The following GRAMD1C variants were observed in gnomAD, a reference collection of about 807,000 sequenced individuals.
The protein encoded by GRAMD1C is protein Aster-C.
GRAMD1C carries 89 observed loss-of-function variants against 97.8 expected under a neutral mutation model. That is an observed-to-expected ratio of 0.91 (90% CI 0.77 to 1.09). The LOEUF (loss-of-function observed/expected upper bound fraction) is 1.09, where lower values mean the gene tolerates loss of function less well. Among genes scored for constraint, GRAMD1C ranks in the 50% least tolerant of loss-of-function variants. The probability of loss-of-function intolerance (pLI) is 0.00; values close to 1 mark genes in which losing one functional copy is unlikely to be tolerated. For missense variants in GRAMD1C, 740 were observed against 766.4 expected (o/e 0.97, Z 0.41); for synonymous variants, 256 against 267.0 (o/e 0.96, Z 0.40).
At chr3:113,894,185 T>G (rs1157121220) in intron 6 of GRAMD1C, among the ~76,000 whole-genome samples, 25 of 152,218 alleles carry the variant, frequency 1.6e-4, no homozygotes, top group Admixed American at 1.3e-3. Context: ...GCTCAATCAA[T>G]TATTTCATAT....
chr3:113,888,678 A>T (rs1935603237), intron 6 of GRAMD1C, among the ~76,000 whole-genome samples: 1 of 152,230 alleles, frequency 6.6e-6, no homozygotes, highest in Non-Finnish European at 1.5e-5. Context: ...AAAATTTTTT[A>T]AATACAAATG....
At chr3:113,854,002 TGTG>T (rs1934019512) in intron 2 of GRAMD1C, among the ~76,000 whole-genome samples, 1 of 152,098 alleles carries the variant, frequency 6.6e-6, no homozygotes, top group African/African-American at 2.4e-5. Flanking sequence ...AAGGGATTGA[TGTG>T]GTGAGTGAGG....
At chr3:113,907,340 G>A (rs1364747455) in intron 8 of GRAMD1C, among the ~76,000 whole-genome samples, 1 of 152,152 alleles carries the variant, frequency 6.6e-6, no homozygotes, top group Non-Finnish European at 1.5e-5. Flanking sequence ...CCTTAGCCTG[G>A]TTTTGTGTTT....
At chr3:113,843,376 C>T (rs751555839) in intron 1 of GRAMD1C, among the ~76,000 whole-genome samples, 8 of 151,932 alleles carry the variant, frequency 5.3e-5, no homozygotes, top group Non-Finnish European at 1.0e-4. Flanking sequence ...TGTGCCTGGC[C>T]CATATGCTTT....
At chr3:113,900,918 T>G (rs1037904760) in intron 6 of GRAMD1C, 113 bp from the exon 7 acceptor site, 1 of 592,858 alleles carries the variant, frequency 1.7e-6, no homozygotes, top group Non-Finnish European at 3.0e-6. Flanking sequence ...CAAAGCCCCA[T>G]ATCTAGTCTT....
In GRAMD1C at chr3:113,940,249, T is replaced by C; in HGVS notation, c.1812T>C (p.Ser604=). The C allele has an allele frequency of 6.3e-7, 1 of 1,590,058 alleles. No homozygotes were observed. Among genetic ancestry groups the C allele is most frequent in the Non-Finnish European group, 8.6e-7 (1 of 1,158,240 alleles). The change falls in exon 17 of 18, where the codon TCT becomes TCC. Residue 604 remains serine (S), a synonymous_variant. Coordinates refer to ENST00000358160, the MANE Select transcript of GRAMD1C (RefSeq NM_017577.5). ...GGCATTTTTCTTTCAGTTTAGCCTCTGATATGGTGTCAAGAGCAGAAACTA... is the reference window on the plus strand; with the variant it reads ...GGCATTTTTCTTTCAGTTTAGCCTCCGATATGGTGTCAAGAGCAGAAACTA... ...LQEEKSLNLA[S]DMVSRAETIQ... is the part of the protein sequence containing the mutation.
chr3:113,924,765 C>T (rs1195815375), intron 10 of GRAMD1C, among the ~76,000 whole-genome samples: 1 of 152,132 alleles, frequency 6.6e-6, no homozygotes, highest in Non-Finnish European at 1.5e-5. Context: ...GTGGAGAGCT[C>T]TGTAGATGTC....
upstream of GRAMD1C, among the ~76,000 whole-genome samples, chr3:113,837,417 C>T (rs937308520): frequency 3.3e-5 from 5 of 152,088 alleles, no homozygotes; most frequent in African/African-American, 9.7e-5. Context: ...GACATGTGTC[C>T]AAGGTGGTTG....
At chr3:113,901,177 T>G (rs1401839120) in intron 7 of GRAMD1C, 31 bp downstream of exon 7, 1 of 1,036,760 alleles carries the variant, frequency 9.6e-7, no homozygotes, top group African/African-American at 1.6e-5. Context: ...ATGTCAAAAT[T>G]TATCAATTAT....
chr3:113,878,970 G>C (rs571895451), intron 5 of GRAMD1C, among the ~76,000 whole-genome samples: 2 of 152,100 alleles, frequency 1.3e-5, no homozygotes, highest in South Asian at 4.1e-4. Flanking sequence ...ACTTTGGGAG[G>C]CTGAGGAGGG....
In GRAMD1C at chr3:113,896,524, T is replaced by G. The variant is rs546202669; in HGVS notation, c.541-4507T>G. The stretch of plus-strand genomic sequence containing the variant: ...AGCAAAAATGTGTATAAATATCAGT[T>G]GTGGTACAGTTAATGTATATTTTCT... On this transcript the variant is annotated intron_variant, in intron 6 of 17. Coordinates refer to ENST00000358160, the MANE Select transcript of GRAMD1C (RefSeq NM_017577.5). 2.5e-4 allele frequency among the ~76,000 whole-genome samples: 38 copies of G among 152,328 alleles called. 1 individual carries two copies. The East Asian group carries it at 7.3e-3, about 29-fold the overall frequency.
intron 17 of GRAMD1C, among the ~76,000 whole-genome samples, chr3:113,942,120 C>G (rs1937823135): frequency 6.7e-6 from 1 of 148,950 alleles, no homozygotes. Flanking sequence ...TGCCATGTTG[C>G]CCAGGCTGGT....
chr3:113,842,449 TTTTTTGTTTG>T (rs1245437298), intron 1 of GRAMD1C, among the ~76,000 whole-genome samples: 33 of 152,330 alleles, frequency 2.2e-4, no homozygotes, highest in Admixed American at 9.8e-4. Context: ...AGTTTCAGTT[TTTTTTGTTTG>T]TTTTTGTTTT....
chr3:113,841,869 T>A (rs1358915818), intron 1 of GRAMD1C, among the ~76,000 whole-genome samples: 1 of 151,932 alleles, frequency 6.6e-6, no homozygotes, highest in Non-Finnish European at 1.5e-5. Flanking sequence ...GGCTAATCTT[T>A]AAATTTTTGT....
intron 6 of GRAMD1C, chr3:113,897,519 GA>G: frequency 1.0e-6 from 1 of 984,750 alleles, no homozygotes; most frequent in Non-Finnish European, 1.2e-6. Context: ...TGCAACCTTG[GA>G]AAGAGTGCTG....
intron 1 of GRAMD1C, among the ~76,000 whole-genome samples, chr3:113,840,933 G>A (rs1380317757): frequency 6.6e-6 from 1 of 152,190 alleles, no homozygotes; most frequent in East Asian, 1.9e-4. Flanking sequence ...TTCCTGTAAA[G>A]GCTGTGTATG....
At chr3:113,894,611 G>T (rs557103664) in intron 6 of GRAMD1C, among the ~76,000 whole-genome samples, 1 of 152,122 alleles carries the variant, frequency 6.6e-6, no homozygotes, top group Non-Finnish European at 1.5e-5. Flanking sequence ...GGTAATAGTG[G>T]TCTCTCTTGC....
At chr3:113,911,686 T>C in intron 9 of GRAMD1C, among the ~76,000 whole-genome samples, 1 of 84,438 alleles carries the variant, frequency 1.2e-5, no homozygotes, top group Non-Finnish European at 2.4e-5. Context: ...TCTCTTTCTC[T>C]CTCTGTTTCT....
In GRAMD1C at chr3:113,931,626, A is replaced by AT. The variant is rs557600403; in HGVS notation, c.1209+801dup. Among the ~76,000 whole-genome samples the AT allele has an allele frequency of 4.0e-3, 611 of 152,076 alleles. 4 individuals carry two copies. The highest frequency in any genetic ancestry group is 0.014 in the African/African-American group (592 of 41,464). On this transcript the variant is annotated intron_variant, in intron 11 of 17. Coordinates refer to ENST00000358160, the MANE Select transcript of GRAMD1C (RefSeq NM_017577.5). ...CCTGCCTCAACCTCCCAAAGAAAAT[A>AT]TTTTTTTAAAAAGAATACCAGGCCA...
Sources: allele counts gnomAD v4.1 joint callset (sites outside exome capture counted in the v4.1 genomes callset), GRCh38; gene constraint gnomAD v4.1.1; transcripts MANE v1.5; gene names NCBI Gene and HGNC (gene_info 2026-07-23, HGNC 2026-07-21).